Variants in TMEM117 observed in about 807,000 individuals in gnomAD.
TMEM117 encodes transmembrane protein 117.
Under a neutral mutation model 52.4 loss-of-function variants are expected in TMEM117, and 27 were observed. That is an observed-to-expected ratio of 0.51 (90% CI 0.38 to 0.71). The LOEUF is 0.71. Ranked by LOEUF, TMEM117 falls within the 30% of genes least tolerant of loss-of-function variation. TMEM117 has a pLI of 0.00. For synonymous variants in TMEM117, 215 were observed against 206.3 expected, an observed-to-expected ratio of 1.04 and a Z score of -0.36; for missense variants, 556 against 630.5, an observed-to-expected ratio of 0.88 and a Z score of 1.26.
chr12:43,918,751 G>T (rs551871806), intron 2 of TMEM117, among the ~76,000 whole-genome samples: 1 of 152,280 alleles, frequency 6.6e-6, no homozygotes, highest in African/African-American at 2.4e-5. Flanking sequence ...TTCCACAGCT[G>T]TCTGCCTTAC....
intron 6 of TMEM117, among the ~76,000 whole-genome samples, chr12:44,360,148 C>T (rs1476533354): frequency 1.3e-5 from 2 of 151,962 alleles, no homozygotes; most frequent in Admixed American, 1.3e-4. Context: ...ATACCTAAAG[C>T]CCCATTTTAA....
intron 3 of TMEM117, among the ~76,000 whole-genome samples, chr12:43,961,185 C>T (rs1945396898): frequency 6.6e-6 from 1 of 152,006 alleles, no homozygotes; most frequent in Non-Finnish European, 1.5e-5. Flanking sequence ...ATAATGAACT[C>T]TTGATAAATA....
At chr12:43,799,872 T>C in the TMEM117 span, among the ~76,000 whole-genome samples, 1 of 152,096 alleles carries the variant, frequency 6.6e-6, no homozygotes, top group Non-Finnish European at 1.5e-5. Flanking sequence ...CTGAATACTA[T>C]GTTATAATGC....
chr12:44,118,338 C>T (rs767658929), intron 3 of TMEM117, among the ~76,000 whole-genome samples: 8 of 152,032 alleles, frequency 5.3e-5, no homozygotes, highest in Non-Finnish European at 8.8e-5. Flanking sequence ...TAGGTACCTA[C>T]GTTAACTGTG....
Position 44,126,366 on chromosome 12 carries a change from T to C in TMEM117, c.411-17159T>C, listed in dbSNP as rs571471388. Among the ~76,000 whole-genome samples the C allele has an allele frequency of 2.7e-4, 41 of 152,360 alleles. No homozygotes were observed. In the South Asian group the frequency reaches 8.1e-3, roughly 30 times the overall value. ...GTATACAATGCTTGGTTTAGTTTGA[T>C]ATCAACTTCCAATTCTTCTTCACTC... On this transcript the variant is annotated intron_variant, in intron 3 of 7. Transcript: ENST00000266534.
chr12:43,936,250 A>G (rs1285651279), intron 2 of TMEM117, among the ~76,000 whole-genome samples: 1 of 152,148 alleles, frequency 6.6e-6, no homozygotes, highest in Non-Finnish European at 1.5e-5. Flanking sequence ...TTATGAGAGA[A>G]GAGTTTGGAT....
chr12:44,398,431 G>C, the TMEM117 span, among the ~76,000 whole-genome samples: 16 of 152,178 alleles, frequency 1.1e-4, no homozygotes, highest in Non-Finnish European at 1.8e-4. Flanking sequence ...AGCCCAAGCT[G>C]GGACGTCAAC....
chr12:44,286,330 CATA>C (rs1950638468), intron 5 of TMEM117, among the ~76,000 whole-genome samples: 2 of 150,314 alleles, frequency 1.3e-5, no homozygotes, highest in South Asian at 4.1e-4. Flanking sequence ...TATATATAAA[CATA>C]ATAAATATGT....
intron 4 of TMEM117, among the ~76,000 whole-genome samples, chr12:44,155,683 C>G (rs1010535136): frequency 2.0e-5 from 3 of 152,066 alleles, no homozygotes; most frequent in Non-Finnish European, 4.4e-5. Context: ...GAGTTGAGGG[C>G]AGCTGCGTTG....
chr12:44,342,585 C>T (rs1951431877), intron 6 of TMEM117, among the ~76,000 whole-genome samples: 1 of 151,272 alleles, frequency 6.6e-6, no homozygotes. Flanking sequence ...CAGAGTGTTC[C>T]CAGTACAAAG....
At chr12:43,948,710 A>G (rs1163240396) in intron 3 of TMEM117, among the ~76,000 whole-genome samples, 1 of 151,918 alleles carries the variant, frequency 6.6e-6, no homozygotes, top group Non-Finnish European at 1.5e-5. Context: ...CTTTTTTTTT[A>G]CAAGGTGGCA....
At chr12:43,959,014 C>T (rs538053218) in intron 3 of TMEM117, among the ~76,000 whole-genome samples, 3 of 151,866 alleles carry the variant, frequency 2.0e-5, no homozygotes, top group South Asian at 2.1e-4. Flanking sequence ...TCACCATGTT[C>T]GCCAGGATGG....
At position 44,378,245 on chromosome 12, in the gene TMEM117, GA is replaced by G. The variant is rs374457076; in HGVS notation, c.898+1530del. 1.9e-3 allele frequency among the ~76,000 whole-genome samples: 286 copies of G among 147,682 alleles called. 4 individuals carry two copies. Among genetic ancestry groups the G allele is most frequent in the African/African-American group, 6.8e-3 (274 of 40,306 alleles). On this transcript the variant is annotated intron_variant, in intron 7 of 7. Coordinates refer to ENST00000266534, the MANE Select transcript of TMEM117 (RefSeq NM_032256.3). ...AGTACAGAACTTCAGGTTAAAAAAG[GA>G]AAAAAAAATGGAGAGCCCATTGGTA...
chr12:43,941,760 C>T (rs1011517698), intron 2 of TMEM117, among the ~76,000 whole-genome samples: 2 of 152,168 alleles, frequency 1.3e-5, no homozygotes, highest in African/African-American at 4.8e-5. Context: ...TCATGTTAAC[C>T]TGCCATTTTG....
intron 2 of TMEM117, among the ~76,000 whole-genome samples, chr12:43,907,654 A>G (rs1166022244): frequency 6.6e-6 from 1 of 151,292 alleles, no homozygotes; most frequent in African/African-American, 2.4e-5. Context: ...TGCTTAAAGG[A>G]GCTGATGGAG....
At chr12:43,981,485 G>A (rs973643661) in intron 3 of TMEM117, among the ~76,000 whole-genome samples, 3 of 152,152 alleles carry the variant, frequency 2.0e-5, no homozygotes, top group Non-Finnish European at 2.9e-5. Flanking sequence ...TTAGAGCCAC[G>A]TAAAACTAAA....
chr12:43,855,470 T>G (rs1943384711), intron 2 of TMEM117, among the ~76,000 whole-genome samples: 1 of 152,124 alleles, frequency 6.6e-6, no homozygotes, highest in East Asian at 1.9e-4. Context: ...ATGCTGTAGT[T>G]AAAAAAATAG....
downstream of TMEM117, among the ~76,000 whole-genome samples, chr12:44,390,858 G>T (rs1952158134): frequency 6.6e-6 from 1 of 151,966 alleles, no homozygotes; most frequent in East Asian, 1.9e-4. Flanking sequence ...ATACTAAAAT[G>T]AAATAAACTA....
chr12:43,848,811 A>G (rs780423376), intron 2 of TMEM117, among the ~76,000 whole-genome samples: 21 of 152,194 alleles, frequency 1.4e-4, no homozygotes, highest in Non-Finnish European at 2.6e-4. Context: ...TTAAGATGAA[A>G]TCTTTACAAT....
Sources: allele counts gnomAD v4.1 joint callset (sites outside exome capture counted in the v4.1 genomes callset), GRCh38; gene constraint gnomAD v4.1.1; transcripts MANE v1.5; gene names NCBI Gene and HGNC (gene_info 2026-07-23, HGNC 2026-07-21).